GMDS: variants seen among roughly 807,000 people sequenced by gnomAD.
GMDS encodes GDP-mannose 4,6 dehydratase.
Under a neutral mutation model 49.9 loss-of-function variants are expected in GMDS, and 20 were observed. The ratio of observed to expected loss-of-function variants is 0.40; its 90% CI spans 0.28 to 0.58. GMDS has a LOEUF of 0.58. GMDS is among the 20% of genes least tolerant of loss of function. The pLI is 0.42. For synonymous variants in GMDS, 177 were observed against 178.6 expected (o/e 0.99, Z 0.07); for missense variants, 362 against 481.4 (o/e 0.75, Z 2.32).
chr6:1,798,924 TG>T (rs1769842375), intron 7 of GMDS, among the ~76,000 whole-genome samples: 1 of 152,194 alleles, frequency 6.6e-6, no homozygotes. Context: ...TGGAAAGTAC[TG>T]GAACACAAAT....
chr6:2,220,725 T>G (rs1323491517), intron 1 of GMDS, among the ~76,000 whole-genome samples: 1 of 152,200 alleles, frequency 6.6e-6, no homozygotes, highest in Non-Finnish European at 1.5e-5. Context: ...CCCCCAAGAT[T>G]TGTATATACA....
intron 9 of GMDS, chr6:1,625,340 G>A (rs1762820394): frequency 6.6e-6 from 1 of 152,164 alleles, no homozygotes; most frequent in Non-Finnish European, 1.5e-5. Flanking sequence ...TATTCTACTC[G>A]GTTCGATTCT....
chr6:1,753,310 G>C (rs754670131), intron 7 of GMDS, among the ~76,000 whole-genome samples: 1 of 152,124 alleles, frequency 6.6e-6, no homozygotes, highest in Admixed American at 6.5e-5. Context: ...ATTACATAAT[G>C]GTAAAGGGAT....
intron 4 of GMDS, among the ~76,000 whole-genome samples, chr6:2,055,490 T>C (rs1208916579): frequency 6.6e-6 from 1 of 152,182 alleles, no homozygotes; most frequent in African/African-American, 2.4e-5. Context: ...CTTACTATCA[T>C]GTCTGGCCAT....
intron 9 of GMDS, among the ~76,000 whole-genome samples, chr6:1,672,927 C>T (rs1392340483): frequency 6.6e-6 from 1 of 152,206 alleles, no homozygotes; most frequent in African/African-American, 2.4e-5. Flanking sequence ...ACAAAAGAAA[C>T]ATCTAATTGC....
chr6:1,678,293 A>G (rs1764686301), intron 9 of GMDS, among the ~76,000 whole-genome samples: 1 of 152,174 alleles, frequency 6.6e-6, no homozygotes, highest in Non-Finnish European at 1.5e-5. Flanking sequence ...CCCTCAAGCT[A>G]GTCCACACCG....
intron 8 of GMDS, among the ~76,000 whole-genome samples, chr6:1,740,284 C>A (rs146015245): frequency 6.6e-6 from 1 of 152,204 alleles, no homozygotes; most frequent in South Asian, 2.1e-4. Flanking sequence ...GGGCCAGGTG[C>A]GGTGGCTCAT....
At chr6:1,895,018 C>T (rs1760081541) in intron 7 of GMDS, among the ~76,000 whole-genome samples, 1 of 152,140 alleles carries the variant, frequency 6.6e-6, no homozygotes, top group Non-Finnish European at 1.5e-5. Context: ...TCTAGAATTA[C>T]TTTATATTCC....
intron 8 of GMDS, among the ~76,000 whole-genome samples, chr6:1,738,340 G>A (rs371188723): frequency 1.2e-4 from 18 of 152,142 alleles, no homozygotes; most frequent in African/African-American, 4.1e-4. Context: ...CTGCTTCCCC[G>A]AATATCTTCT....
At chr6:1,905,473 C>T (rs1288472786) in intron 7 of GMDS, among the ~76,000 whole-genome samples, 1 of 147,238 alleles carries the variant, frequency 6.8e-6, no homozygotes, top group African/African-American at 2.6e-5. Flanking sequence ...GTAGGTGGGG[C>T]CTAAAAGGTG....
chr6:1,750,792 C>T (rs1767691676), intron 7 of GMDS, among the ~76,000 whole-genome samples: 1 of 152,188 alleles, frequency 6.6e-6, no homozygotes, highest in African/African-American at 2.4e-5. Flanking sequence ...GATCCCACCC[C>T]CATGGTGCCC....
intron 4 of GMDS, among the ~76,000 whole-genome samples, chr6:2,006,803 T>C (rs982930864): frequency 1.3e-5 from 2 of 152,200 alleles, no homozygotes; most frequent in African/African-American, 4.8e-5. Context: ...TTAAATTAAT[T>C]TATATGAATA....
chr6:1,929,680 A>G (rs767855593), intron 7 of GMDS, among the ~76,000 whole-genome samples: 1 of 152,206 alleles, frequency 6.6e-6, no homozygotes, highest in African/African-American at 2.4e-5. Flanking sequence ...CCATAAGAAT[A>G]TTACTCTTGG....
chr6:2,208,882 T>C (rs993875824), intron 1 of GMDS, among the ~76,000 whole-genome samples: 2 of 148,424 alleles, frequency 1.3e-5, no homozygotes, highest in Admixed American at 6.7e-5. Context: ...TATTAGGCAA[T>C]CTAATGTTCT....
At chr6:1,789,296 C>G (rs143019391) in intron 7 of GMDS, among the ~76,000 whole-genome samples, 1 of 152,264 alleles carries the variant, frequency 6.6e-6, no homozygotes, top group Non-Finnish European at 1.5e-5. Context: ...TGGCCGTATG[C>G]TGACCTCACT....
At chr6:1,655,289 C>T (rs767338941) in intron 9 of GMDS, among the ~76,000 whole-genome samples, 5 of 151,976 alleles carry the variant, frequency 3.3e-5, no homozygotes, top group African/African-American at 9.7e-5. Context: ...ACTGGGTAAA[C>T]GAAATTTTAA....
At position 1,819,772 on chromosome 6, in the gene GMDS, A is replaced by AT. The variant is rs1554123167; in HGVS notation, c.772-77187_772-77186insA. The stretch of plus-strand genomic sequence containing the variant: ...TGAGACTCTGCCTCAAAAAAAAAAA[A>AT]AAAAATATATATATATATATATATA... On this transcript the variant is annotated intron_variant, in intron 7 of 10. Coordinates refer to ENST00000380815, the MANE Select transcript of GMDS (RefSeq NM_001500.4). 3.9e-5 allele frequency among the ~76,000 whole-genome samples: 5 copies of AT among 128,476 alleles called. No individual in the cohort carries two copies. The East Asian group carries it at 1.0e-3, about 26-fold the overall frequency. 84.3% of individuals were successfully genotyped at this position (128,476 alleles called of 152,430 possible). A position where few individuals can be genotyped will look rare whatever the true frequency, so the allele number is the denominator to read the frequency against.
At chr6:1,883,602 C>G (rs1759468226) in intron 7 of GMDS, among the ~76,000 whole-genome samples, 1 of 152,022 alleles carries the variant, frequency 6.6e-6, no homozygotes, top group African/African-American at 2.4e-5. Context: ...CTCTAAAACC[C>G]TGTTTTGCTG....
chr6:2,037,903 A>T (rs1769398892), intron 4 of GMDS, among the ~76,000 whole-genome samples: 1 of 152,206 alleles, frequency 6.6e-6, no homozygotes, highest in African/African-American at 2.4e-5. Context: ...AAAATAAATA[A>T]ATAAATAGAT....
Sources: gnomAD v4.1 joint callset for allele counts (sites outside exome capture counted in the v4.1 genomes callset) on GRCh38, gnomAD v4.1.1 for gene constraint, MANE v1.5 for transcripts, NCBI Gene and HGNC (gene_info 2026-07-23, HGNC 2026-07-21) for gene names.